The following FAN1 variants were observed in gnomAD, a reference collection of about 807,000 sequenced individuals.
FAN1 encodes the protein FANCD2 and FANCI associated nuclease 1, also known as fanconi-associated nuclease 1.
A neutral mutation model predicts 104.9 loss-of-function variants in FAN1; 91 were observed. The ratio of observed to expected loss-of-function variants is 0.87; its 90% CI spans 0.73 to 1.03. The LOEUF (loss-of-function observed/expected upper bound fraction) is 1.03. Among genes scored for constraint, FAN1 ranks in the 50% least tolerant of loss-of-function variants. FAN1 has a pLI of 0.00. For synonymous variants in FAN1, 478 were observed against 457.6 expected (o/e 1.04, Z -0.57); for missense variants, 1,263 against 1,239.9 (o/e 1.02, Z -0.28).
chr15:30,926,019 CTGCTGTCCTCTCTCTGT>C, intron 10 of FAN1, 80 bp downstream of exon 10: 1 of 1,400,978 alleles, frequency 7.1e-7, no homozygotes, highest in Non-Finnish European at 1.0e-6. Flanking sequence ...CAGCAGTGGG[CTGCTGTCCTCTCTCTGT>C]CCTCTGCTCA....
At position 30,941,291 on chromosome 15, in the gene FAN1, T is replaced by A. The variant is rs2063041820; in HGVS notation, c.*4-275T>A. 10 of 1,511,202 alleles carry A rather than the reference T, an allele frequency of 6.6e-6. No homozygotes were observed. The African/African-American group carries it at 9.6e-5, about 15-fold the overall frequency. 93.6% of individuals were successfully genotyped at this position (1,511,202 alleles called of 1,614,324 possible). A position where few individuals can be genotyped will look rare whatever the true frequency, so the allele number is the denominator to read the frequency against. On this transcript the variant is annotated intron_variant, in intron 14 of 14. Coordinates refer to ENST00000362065, the MANE Select transcript of FAN1 (RefSeq NM_014967.5). ...AAAGAGGACAGGAACAAAATTTACATCTCTCTTAAAATAAGTGTGAAAGAA... is the reference window on the plus strand; with the variant it reads ...AAAGAGGACAGGAACAAAATTTACAACTCTCTTAAAATAAGTGTGAAAGAA...
rs200672666 is a variant in FAN1 at position 30,904,971 on chromosome 15, C to A, written c.308C>A (p.Pro103Gln). ...TLEDVTPKKSPPPKTNLTPGQ... is the reference protein window; with the variant it reads ...TLEDVTPKKSQPPKTNLTPGQ... ...GAAGATGTAACACCTAAGAAGTCAC[C>A]ACCACCAAAGACAAATTTAACCCCT... The change falls in exon 2 of 15, where the codon CCA (proline) becomes CAA (glutamine). Residue 103 changes from proline (P) to glutamine (Q), a missense_variant. By Grantham distance (76) the Pro-to-Gln change is moderately conservative. Coordinates refer to ENST00000362065, the MANE Select transcript of FAN1 (RefSeq NM_014967.5). The A allele has an allele frequency of 1.3e-4, 212 of 1,613,798 alleles. 1 individual carries two copies. Among genetic ancestry groups the A allele is most frequent in the Non-Finnish European group, 1.7e-4 (203 of 1,179,968 alleles).
rs770201229 is a variant in FAN1, at chr15:30,925,292, G to T, written c.2337+1G>T. 6.2e-7 allele frequency: 1 copy of T among 1,613,458 alleles called. No individual in the cohort carries two copies. The highest frequency in any genetic ancestry group is 2.2e-5 in the East Asian group (1 of 44,860). Reference sequence around the variant, plus strand: ...AATGGCTGTGCAAGATGTGAAACACGTGAGGAAAGAGCCTGTGGGTGCTTT... The same window carrying T: ...AATGGCTGTGCAAGATGTGAAACACTTGAGGAAAGAGCCTGTGGGTGCTTT... On this transcript the variant is annotated splice_donor_variant, in intron 9 of 14. Coordinates refer to ENST00000362065, the MANE Select transcript of FAN1 (RefSeq NM_014967.5). LOFTEE classifies it high-confidence loss of function.
chr15:30,910,677 T>C lies in FAN1; in HGVS notation c.1439T>C (p.Leu480Pro), dbSNP rs912720439. The change falls in exon 4 of 15, where the codon CTA (leucine) becomes CCA (proline). Residue 480 changes from leucine (L) to proline (P), a missense_variant. By Grantham distance (98) the Leu-to-Pro change is moderately conservative (BLOSUM62 -3). Coordinates refer to ENST00000362065, the MANE Select transcript of FAN1 (RefSeq NM_014967.5). ...CTTTCTGCTCCTGAACTAAAATCCC[T>C]AGCCAAGACCTTCCACTTGGTGAAT... is the stretch of plus-strand genomic sequence containing the variant. ...ELLSAPELKS[L>P]AKTFHLVNPN... 1.2e-6 allele frequency: 2 copies of C among 1,613,784 alleles called. No individual in the cohort carries two copies. Among genetic ancestry groups the C allele is most frequent in the African/African-American group, 2.7e-5 (2 of 74,914 alleles).
chr15:30,908,034 G>A, intron 2 of FAN1, 84 bp from the exon 3 acceptor site: 2 of 1,160,488 alleles, frequency 1.7e-6, no homozygotes, highest in African/African-American at 1.5e-5. Flanking sequence ...AAGCATATGT[G>A]TATTTCTAAA....
chr15:30,941,283 A>G, intron 14 of FAN1: 1 of 1,503,576 alleles, frequency 6.7e-7, no homozygotes, highest in Middle Eastern at 1.7e-4. Flanking sequence ...ACAGGAACAA[A>G]ATTTACATCT....
chr15:30,942,275 G>C lies in FAN1; in HGVS notation c.*713G>C. 1 of 658,156 alleles carries C rather than the reference G, an allele frequency of 1.5e-6. No individual in the cohort carries two copies. 40.8% of individuals were successfully genotyped at this position (658,156 alleles called of 1,614,324 possible). ...TTTATGTGTTGACTCTACCTAGGCT[G>C]TTACTATCAGCCTGAATGGGGGCGG... On this transcript the variant is annotated 3_prime_UTR_variant, in exon 15 of 15. Transcript: ENST00000362065.
chr15:30,942,863 C>T lies in FAN1; in HGVS notation c.*1301C>T. Reference sequence around the variant, plus strand: ...AGGTGTTTGGTTACGTGTGAGCCAACATCACGTTTTGTTAGCTGTGATTTA... The same window carrying T: ...AGGTGTTTGGTTACGTGTGAGCCAATATCACGTTTTGTTAGCTGTGATTTA... On this transcript the variant is annotated 3_prime_UTR_variant, in exon 15 of 15. Coordinates refer to ENST00000362065, the MANE Select transcript of FAN1 (RefSeq NM_014967.5). 2 of 1,541,740 alleles carry T rather than the reference C, an allele frequency of 1.3e-6. No individual in the cohort carries two copies. Among genetic ancestry groups the T allele is most frequent in the African/African-American group, 1.4e-5 (1 of 73,194 alleles).
intron 14 of FAN1, chr15:30,940,825 T>C: frequency 5.1e-6 from 5 of 988,824 alleles, no homozygotes; most frequent in Non-Finnish European, 6.0e-6. Flanking sequence ...TCAAAGGCAC[T>C]TCTAAGTTTA....
chr15:30,920,630 C>G lies in FAN1; in HGVS notation c.2029C>G (p.Leu677Val), dbSNP rs755918280. The change falls in exon 7 of 15, where the codon CTG becomes GTG. Residue 677 changes from leucine to valine, a missense_variant. Leu to Val is a conservative substitution (Grantham distance 32). Coordinates refer to ENST00000362065, the MANE Select transcript of FAN1 (RefSeq NM_014967.5). ...TRILSRFVEI[L>V]QRLHMYEEAV... Reference sequence around the variant, plus strand: ...GATTTTGTCTCGGTTTGTGGAAATACTGCAGAGACTTCACATGTATGAGGT... The same window carrying G: ...GATTTTGTCTCGGTTTGTGGAAATAGTGCAGAGACTTCACATGTATGAGGT... 1 of 1,608,818 alleles carries G rather than the reference C, an allele frequency of 6.2e-7. No individual in the cohort carries two copies. Among genetic ancestry groups the G allele is most frequent in the South Asian group, 1.1e-5 (1 of 90,500 alleles).
At chr15:30,921,271 G>C (rs556331870) in intron 7 of FAN1, among the ~76,000 whole-genome samples, 1 of 152,210 alleles carries the variant, frequency 6.6e-6, no homozygotes, top group Non-Finnish European at 1.5e-5. Context: ...CAGGTCTGCA[G>C]CCTGAGCCTG....
intron 12 of FAN1, among the ~76,000 whole-genome samples, chr15:30,929,678 CATATAAT>C (rs2062579775): frequency 2.1e-5 from 1 of 46,830 alleles, no homozygotes; most frequent in African/African-American, 7.5e-5. Flanking sequence ...TATAATATAT[CATATAAT>C]ATATATAAAA....
At chr15:30,928,185 A>G in intron 10 of FAN1, 1 of 1,014,012 alleles carries the variant, frequency 9.9e-7, no homozygotes, top group Non-Finnish European at 1.2e-6. Context: ...ATTCTGTGCC[A>G]GCCCAGCCCT....
intron 13 of FAN1, among the ~76,000 whole-genome samples, chr15:30,935,254 G>T (rs2140966982): frequency 6.6e-6 from 1 of 152,036 alleles, no homozygotes; most frequent in Non-Finnish European, 1.5e-5. Flanking sequence ...GCTGCAGTGT[G>T]CTGAGATCAT....
rs1266926713 is a variant in FAN1 at position 30,904,730 on chromosome 15, A to C, written c.67A>C (p.Lys23Gln). The change falls in exon 2 of 15, where the codon AAG becomes CAG. Residue 23 changes from lysine (K) to glutamine (Q), a missense_variant. Physicochemically the swap from Lys to Gln is moderately conservative, Grantham distance 53. Transcript: ENST00000362065. Reference sequence around the variant, plus strand: ...TAGAAGCTTATCAATCAGCAAGAATAAGAAAAAAGCATCTAATTCTATTAT... The same window carrying C: ...TAGAAGCTTATCAATCAGCAAGAATCAGAAAAAAGCATCTAATTCTATTAT... ...PRRSLSISKNKKKASNSIISC... is the reference protein window; with the variant it reads ...PRRSLSISKNQKKASNSIISC... 1.7e-5 allele frequency: 28 copies of C among 1,610,862 alleles called. No homozygotes were observed. The highest frequency in any genetic ancestry group is 2.3e-5 in the Non-Finnish European group (27 of 1,177,828).
At chr15:30,941,158 T>A in intron 14 of FAN1, 1 of 1,219,926 alleles carries the variant, frequency 8.2e-7, no homozygotes, top group Non-Finnish European at 1.1e-6. Flanking sequence ...TGTGACTGAC[T>A]ATCAGATAGC....
At chr15:30,940,508 A>C (rs1253554521) in intron 14 of FAN1, 5 of 985,328 alleles carry the variant, frequency 5.1e-6, no homozygotes, top group Non-Finnish European at 6.0e-6. Flanking sequence ...TCCAGGGGGA[A>C]GTGCCAGCAA....
chr15:30,908,269 T>C lies in FAN1; in HGVS notation c.1375+11T>C, dbSNP rs748007364. On this transcript the variant is annotated intron_variant, in intron 3 of 14. Transcript: ENST00000362065. Reference sequence around the variant, plus strand: ...GCTTTCTACAGACAGGTATGACTAGTAGAAGGAGATGTGAAATGAAAATAT... The same window carrying C: ...GCTTTCTACAGACAGGTATGACTAGCAGAAGGAGATGTGAAATGAAAATAT... The C allele has an allele frequency of 6.4e-7, 1 of 1,570,334 alleles. No individual in the cohort carries two copies. Among genetic ancestry groups the C allele is most frequent in the African/African-American group, 1.4e-5 (1 of 73,180 alleles).
chr15:30,905,745 C>T lies in FAN1; in HGVS notation c.1082C>T (p.Ser361Leu). The change falls in exon 2 of 15, where the codon TCA (serine) becomes TTA (leucine). Residue 361 changes from serine to leucine, a missense_variant. Ser to Leu is a moderately radical substitution (Grantham distance 145). Around this residue, in one of 2 missense-constraint regions of FAN1, gnomAD observed 682 missense variants for 571.1 expected, o/e 1.19. Coordinates refer to ENST00000362065, the MANE Select transcript of FAN1 (RefSeq NM_014967.5). ...CACAGCATTCCTTTGGAGCAGGGGT[C>T]AAGCTGCAATGGTCCTGGTCAAACA... ...IPHSIPLEQG[S>L]SCNGPGQTTG... 6.2e-7 allele frequency: 1 copy of T among 1,614,174 alleles called. No homozygotes were observed. The highest frequency in any genetic ancestry group is 8.5e-7 in the Non-Finnish European group (1 of 1,180,032).
Sources: gnomAD v4.1 joint callset for allele counts (sites outside exome capture counted in the v4.1 genomes callset) on GRCh38, gnomAD v4.1.1 for gene constraint, gnomAD v4.1.1 regional missense constraint, MANE v1.5 for transcripts, NCBI Gene and HGNC (gene_info 2026-07-23, HGNC 2026-07-21) for gene names.